RMDN3: variants seen among roughly 807,000 people sequenced by gnomAD.
RMDN3 encodes regulator of microtubule dynamics protein 3.
Under a neutral mutation model 61.8 loss-of-function variants are expected in RMDN3, and 41 were observed. The observed-to-expected ratio is 0.66, with a 90% CI of 0.52 to 0.86. The LOEUF (loss-of-function observed/expected upper bound fraction) is 0.86. Among genes scored for constraint, RMDN3 ranks in the 40% least tolerant of loss-of-function variants. The pLI is 0.00. For missense variants in RMDN3, 557 were observed against 585.3 expected (o/e 0.95, Z 0.50); for synonymous variants, 247 against 232.0 (o/e 1.06, Z -0.59).
intron 6 of RMDN3, among the ~76,000 whole-genome samples, chr15:40,742,171 G>GTTTT (rs896797307): frequency 5.2e-5 from 7 of 134,960 alleles, no homozygotes; most frequent in Non-Finnish European, 6.4e-5. Flanking sequence ...AATTTTTTAA[G>GTTTT]TTTTTTTTTT....
At chr15:40,746,673 C>T (rs1897579009) in intron 4 of RMDN3, among the ~76,000 whole-genome samples, 1 of 152,144 alleles carries the variant, frequency 6.6e-6, no homozygotes, top group Non-Finnish European at 1.5e-5. Flanking sequence ...CACAAGGTGG[C>T]AGGCTCTGAA....
intron 7 of RMDN3, 185 bp from the exon 8 acceptor site, chr15:40,738,761 CT>C: frequency 1.6e-6 from 1 of 613,310 alleles, no homozygotes. Flanking sequence ...AATTAGTATT[CT>C]TTAGTAGATA....
At position 40,737,843 on chromosome 15, in the gene RMDN3, C is replaced by T. The variant is rs118074807; in HGVS notation, c.1126-117G>A. 599 of 1,436,424 alleles carry T rather than the reference C, an allele frequency of 4.2e-4. 6 individuals are homozygous for T. In the East Asian group the frequency reaches 7.6e-3, roughly 18 times the overall value. 89.0% of individuals were successfully genotyped at this position (1,436,424 alleles called of 1,614,324 possible). ...GGGCTGGGTCGAACCACCAATAATA[C>T]GAGCATTCAGAAGAAAGGGCACCTG... On this transcript the variant is annotated intron_variant, in intron 9 of 12. Coordinates refer to ENST00000338376, the MANE Select transcript of RMDN3 (RefSeq NM_018145.3).
chr15:40,738,204 A>G (rs559244582), intron 8 of RMDN3, among the ~76,000 whole-genome samples, 162 bp from the exon 9 acceptor site: 1 of 152,318 alleles, frequency 6.6e-6, no homozygotes, highest in East Asian at 1.9e-4. Flanking sequence ...CCTGGCCAAC[A>G]TGGTGAAACC....
intron 2 of RMDN3, 34 bp downstream of exon 2, chr15:40,754,563 G>A (rs1192034330): frequency 6.3e-7 from 1 of 1,589,238 alleles, no homozygotes; most frequent in Non-Finnish European, 8.6e-7. Flanking sequence ...CCATTAGTCT[G>A]CAGTGACCGC....
Position 40,754,847 on chromosome 15 carries a change from G to T in RMDN3, c.-7-57C>A. ...AGGCGGGCGGGCGGGCGGGGGTAAG[G>T]AGAGAGAGAGATTCGTGAACCCGGT... is the stretch of plus-strand genomic sequence containing the variant. On this transcript the variant is annotated intron_variant, in intron 1 of 12. Coordinates refer to ENST00000338376, the MANE Select transcript of RMDN3 (RefSeq NM_018145.3). 7.5e-6 allele frequency: 10 copies of T among 1,329,920 alleles called. No homozygotes were observed. In the South Asian group the frequency reaches 1.4e-4, roughly 19 times the overall value. The allele number at this position is 1,329,920 out of a possible 1,614,324, so 82.4% of individuals were successfully genotyped here.
intron 12 of RMDN3, among the ~76,000 whole-genome samples, chr15:40,736,827 A>G (rs112544182): frequency 1.3e-5 from 2 of 152,138 alleles, no homozygotes. Flanking sequence ...AAAATGTCAC[A>G]TGATGATTCA....
At chr15:40,741,817 C>CAG (rs560565742) in intron 6 of RMDN3, among the ~76,000 whole-genome samples, 206 of 151,320 alleles carry the variant, frequency 1.4e-3, no homozygotes, top group African/African-American at 4.8e-3. Context: ...TTAGTAGAGA[C>CAG]AGTTTTGCCT....
chr15:40,753,955 C>T (rs1328785829), intron 2 of RMDN3, among the ~76,000 whole-genome samples: 1 of 152,134 alleles, frequency 6.6e-6, no homozygotes, highest in Non-Finnish European at 1.5e-5. Flanking sequence ...ATTCTTTTTG[C>T]CCTCTTTTGG....
At chr15:40,737,862 G>T (rs1897123086) in intron 9 of RMDN3, 103 bp downstream of exon 9, 3 of 1,479,430 alleles carry the variant, frequency 2.0e-6, no homozygotes, top group African/African-American at 1.4e-5. Context: ...AGAAGAAAGG[G>T]CACCTGAGCC....
In RMDN3 at chr15:40,735,925, T is replaced by C. The variant is rs1418257244; in HGVS notation, c.*616A>G. 3 of 152,224 alleles carry C rather than the reference T, an allele frequency of 2.0e-5. No individual in the cohort carries two copies. The highest frequency in any genetic ancestry group is 7.2e-5 in the African/African-American group (3 of 41,448). 9.4% of individuals were successfully genotyped at this position (152,224 alleles called of 1,614,324 possible). On this transcript the variant is annotated 3_prime_UTR_variant, in exon 13 of 13. Transcript: ENST00000338376. ...GGTTTATTTCAAGTTTGTAACAAAA[T>C]ATATTCTAGGCAACTTTTCAGACAT... is the stretch of plus-strand genomic sequence containing the variant.
At chr15:40,738,841 T>C (rs1897168945) in intron 7 of RMDN3, 1 of 514,228 alleles carries the variant, frequency 1.9e-6, no homozygotes, top group East Asian at 3.4e-5. Flanking sequence ...AGTAAATCTC[T>C]CTTACACAGT....
rs754502218 is a variant in RMDN3 at position 40,745,198 on chromosome 15, C to T, written c.586G>A (p.Gly196Arg). 7.2e-5 allele frequency: 117 copies of T among 1,613,952 alleles called. No homozygotes were observed. The highest frequency in any genetic ancestry group is 2.4e-5 in the Non-Finnish European group (28 of 1,180,028). ...ERDSDKESEDGEDEVSCETVK... is the reference protein window; with the variant it reads ...ERDSDKESEDREDEVSCETVK... ...GTCTCACAGCTCACTTCATCTTCCC[C>T]GTCCTCACTTTCTTTGTCAGAGTCC... The change falls in exon 5 of 13, where the codon GGG (glycine) becomes AGG (arginine). Residue 196 changes from glycine to arginine, a missense_variant. By Grantham distance (125) the Gly-to-Arg change is moderately radical. Coordinates refer to ENST00000338376, the MANE Select transcript of RMDN3 (RefSeq NM_018145.3).
chr15:40,755,058 C>G (rs1330849620), intron 1 of RMDN3, 25 bp downstream of exon 1: 2 of 403,174 alleles, frequency 5.0e-6, no homozygotes, highest in Non-Finnish European at 9.1e-6. Flanking sequence ...TCACAGAGTC[C>G]GGCTTCTGGG....
chr15:40,751,595 G>A (rs993252503), intron 3 of RMDN3, 26 bp from the exon 4 acceptor site: 3 of 1,613,928 alleles, frequency 1.9e-6, no homozygotes, highest in Non-Finnish European at 2.5e-6. Flanking sequence ...CATCCCGAAG[G>A]GTACCATTAG....
chr15:40,751,928 C>A, intron 3 of RMDN3, 58 bp downstream of exon 3: 1 of 1,557,740 alleles, frequency 6.4e-7, no homozygotes, highest in Non-Finnish European at 8.8e-7. Flanking sequence ...CCAGAACACA[C>A]CCCAGCTGAA....
Position 40,737,613 on chromosome 15 carries a change from C to G in RMDN3, c.1224+15G>C, listed in dbSNP as rs1231504433. The stretch of plus-strand genomic sequence containing the variant: ...TTACCCTGGTGTTTTTGCCTGCCAC[C>G]TGCCCCTCTCATACCTTTAGGAAGC... On this transcript the variant is annotated intron_variant, in intron 10 of 12. Transcript: ENST00000338376. The G allele has an allele frequency of 1.2e-6, 2 of 1,605,738 alleles. No individual in the cohort carries two copies. The highest frequency in any genetic ancestry group is 2.2e-5 in the South Asian group (2 of 90,806).
intron 7 of RMDN3, 128 bp from the exon 8 acceptor site, chr15:40,738,704 A>G: frequency 1.2e-6 from 1 of 827,224 alleles, no homozygotes; most frequent in Non-Finnish European, 2.0e-6. Context: ...GAAAATACCT[A>G]ATTTTCATCT....
chr15:40,752,209 C>G lies in RMDN3; in HGVS notation c.188-31G>C, dbSNP rs1897859853. The G allele has an allele frequency of 4.4e-6, 7 of 1,601,366 alleles. 1 individual carries two copies. In the African/African-American group the frequency reaches 9.4e-5, roughly 21 times the overall value. On this transcript the variant is annotated intron_variant, in intron 2 of 12. Transcript: ENST00000338376. ...GGGGGAAACGAATGGGAGCCAGTGA[C>G]ACACAGGAATATGGTGGGGAAGAGA...
Sources: gnomAD v4.1 joint callset for allele counts (sites outside exome capture counted in the v4.1 genomes callset) on GRCh38, gnomAD v4.1.1 for gene constraint, MANE v1.5 for transcripts, NCBI Gene and HGNC (gene_info 2026-07-23, HGNC 2026-07-21) for gene names.